The following ZNF506 variants were observed in gnomAD, a reference collection of about 807,000 sequenced individuals.
The protein encoded by ZNF506 is zinc finger protein 506.
ZNF506 carries 10 observed loss-of-function variants against 11.6 expected under a neutral mutation model. The ratio of observed to expected loss-of-function variants is 0.86; its 90% CI spans 0.53 to 1.46. The LOEUF is 1.46. Ranked by LOEUF, ZNF506 falls within the 40% of genes most tolerant of loss-of-function variation. The probability of loss-of-function intolerance (pLI) is 0.00; values close to 1 mark genes in which losing one functional copy is unlikely to be tolerated. For missense variants in ZNF506, 425 were observed against 521.2 expected (o/e 0.82, Z 1.80); for synonymous variants, 156 against 173.3 (o/e 0.90, Z 0.78).
At chr19:19,799,506 T>A in intron 3 of ZNF506, 1 of 638,348 alleles carries the variant, frequency 1.6e-6, no homozygotes, top group Non-Finnish European at 2.8e-6. Context: ...ATTTCATAGA[T>A]TACTTTCTAT....
At chr19:19,805,891 A>G in intron 3 of ZNF506, 140 bp downstream of exon 3, 1 of 715,968 alleles carries the variant, frequency 1.4e-6, no homozygotes, top group Admixed American at 2.7e-5. Flanking sequence ...AAAAAAGAAA[A>G]GAAAAGAAAA....
At chr19:19,807,990 C>A (rs2062848659) in intron 1 of ZNF506, among the ~76,000 whole-genome samples, 1 of 151,302 alleles carries the variant, frequency 6.6e-6, no homozygotes, top group South Asian at 2.1e-4. Flanking sequence ...AGGACAGCTG[C>A]CAGATTAAAT....
At chr19:19,818,874 G>C (rs990247779) in intron 1 of ZNF506, among the ~76,000 whole-genome samples, 1 of 152,116 alleles carries the variant, frequency 6.6e-6, no homozygotes, top group African/African-American at 2.4e-5. Context: ...TATAGTCCTA[G>C]CTATTGGGGA....
chr19:19,813,018 A>G (rs2062894804), intron 1 of ZNF506, among the ~76,000 whole-genome samples: 1 of 152,116 alleles, frequency 6.6e-6, no homozygotes, highest in Admixed American at 6.6e-5. Context: ...TTCCAACAAC[A>G]CTTTTTGATG....
chr19:19,814,468 ATTTAT>A (rs1182693051), intron 1 of ZNF506, among the ~76,000 whole-genome samples: 1 of 148,502 alleles, frequency 6.7e-6, no homozygotes, highest in Non-Finnish European at 1.5e-5. Context: ...GCATGTTATT[ATTTAT>A]AAGTAAGAGC....
At position 19,795,398 on chromosome 19, in the gene ZNF506, ATGTT is replaced by A; in HGVS notation, c.485_488del (p.Lys162IlefsTer3). 6.3e-7 allele frequency: 1 copy of A among 1,595,874 alleles called. No individual in the cohort carries two copies. The highest frequency in any genetic ancestry group is 8.5e-7 in the Non-Finnish European group (1 of 1,173,918). ...ATTTTTTTCCAGTATCTCTTATCTT[ATGTT>A]TGTTTGAATTTGAAAATTTATGCAA... On this transcript the variant is annotated frameshift_variant, in exon 4 of 4. Coordinates refer to ENST00000540806, the MANE Select transcript of ZNF506 (RefSeq NM_001099269.3). LOFTEE classifies it low-confidence loss of function (END_TRUNC).
rs1221842186 is a variant in ZNF506, at chr19:19,821,706, G to C, written c.-103C>G. The C allele has an allele frequency of 2.9e-5, 42 of 1,446,858 alleles. No homozygotes were observed. Among genetic ancestry groups the C allele is most frequent in the Non-Finnish European group, 4.0e-5 (41 of 1,030,036 alleles). The allele number at this position is 1,446,858 out of a possible 1,614,324, so 89.6% of individuals were successfully genotyped here. A position where few individuals can be genotyped will look rare whatever the true frequency, so the allele number is the denominator to read the frequency against. ...GGCCTCTAGGAGCTGACGGCACAGA[G>C]CAGTGAAGACGATAGCTGGATCTCT... is the stretch of plus-strand genomic sequence containing the variant. On this transcript the variant is annotated 5_prime_UTR_variant, in exon 1 of 4. Coordinates refer to ENST00000540806, the MANE Select transcript of ZNF506 (RefSeq NM_001099269.3).
intron 3 of ZNF506, among the ~76,000 whole-genome samples, chr19:19,801,183 AAAAC>A (rs1568474685): frequency 6.6e-6 from 1 of 151,922 alleles, no homozygotes. Flanking sequence ...AAAAGAAAAG[AAAAC>A]AAAACAAAAC....
intron 1 of ZNF506, among the ~76,000 whole-genome samples, chr19:19,812,872 G>C (rs1481110342): frequency 1.3e-5 from 2 of 152,172 alleles, no homozygotes; most frequent in Non-Finnish European, 2.9e-5. Flanking sequence ...GCTACTCTCA[G>C]CATGAGAAAC....
chr19:19,812,458 T>C (rs916052094), intron 1 of ZNF506, among the ~76,000 whole-genome samples: 2 of 152,224 alleles, frequency 1.3e-5, no homozygotes, highest in Non-Finnish European at 2.9e-5. Context: ...GTATCACATT[T>C]TACAGGTGAA....
intron 3 of ZNF506, among the ~76,000 whole-genome samples, chr19:19,803,908 T>C (rs2062814761): frequency 1.3e-5 from 2 of 152,216 alleles, no homozygotes; most frequent in Admixed American, 6.5e-5. Context: ...ATGCTGTTTG[T>C]AGATCATACA....
chr19:19,814,279 G>A (rs577230458), intron 1 of ZNF506, among the ~76,000 whole-genome samples: 248 of 152,014 alleles, frequency 1.6e-3, no homozygotes, highest in Non-Finnish European at 2.8e-3. Context: ...TTGGTGGCAC[G>A]TGCCTGTAAT....
chr19:19,807,109 G>A (rs1314568145), intron 1 of ZNF506, 41 bp from the exon 2 acceptor site: 1 of 1,609,392 alleles, frequency 6.2e-7, no homozygotes, highest in Non-Finnish European at 8.5e-7. Context: ...AAGTGGCCAT[G>A]GGTGGAATTT....
intron 1 of ZNF506, among the ~76,000 whole-genome samples, chr19:19,815,226 C>A (rs1599527660): frequency 1.3e-5 from 2 of 152,176 alleles, no homozygotes; most frequent in Non-Finnish European, 2.9e-5. Context: ...CGCCACTGCA[C>A]TCCAGCCTGG....
intron 1 of ZNF506, among the ~76,000 whole-genome samples, chr19:19,813,934 T>C (rs1395797289): frequency 2.6e-5 from 4 of 152,072 alleles, no homozygotes; most frequent in South Asian, 2.1e-4. Context: ...TCCAATATCA[T>C]GCCATGGCAC....
chr19:19,812,942 A>G (rs2062894212), intron 1 of ZNF506, among the ~76,000 whole-genome samples: 1 of 152,168 alleles, frequency 6.6e-6, no homozygotes, highest in Non-Finnish European at 1.5e-5. Context: ...TTTCTTTTCC[A>G]TCTCTGCTGC....
chr19:19,805,790 TGAAG>T (rs1490627093), intron 3 of ZNF506, among the ~76,000 whole-genome samples: 1 of 152,034 alleles, frequency 6.6e-6, no homozygotes, highest in Non-Finnish European at 1.5e-5. Flanking sequence ...AGTGTGAACT[TGAAG>T]GAAGCTCACC....
rs183768177 is a variant in ZNF506 at position 19,810,588 on chromosome 19, T to C, written c.4-3520A>G. On this transcript the variant is annotated intron_variant, in intron 1 of 3. Transcript: ENST00000540806. Reference sequence around the variant, plus strand: ...AAAATTGTATAGAATAAAAGCTAAATATAGACAGATGGAAGAGATATAGAA... The same window carrying C: ...AAAATTGTATAGAATAAAAGCTAAACATAGACAGATGGAAGAGATATAGAA... Among the ~76,000 whole-genome samples, 177 of 152,094 alleles carry C rather than the reference T, an allele frequency of 1.2e-3. 1 individual carries two copies. The highest frequency in any genetic ancestry group is 4.2e-3 in the African/African-American group (173 of 41,484).
rs1299435755 is a variant in ZNF506 at position 19,793,335 on chromosome 19, T to C, written c.*1217A>G. On this transcript the variant is annotated 3_prime_UTR_variant, in exon 4 of 4. Coordinates refer to ENST00000540806, the MANE Select transcript of ZNF506 (RefSeq NM_001099269.3). ...TTTTGAATTAAATATTTTTTTCATATTTACATCTGCAAAAATATACTTTAG... is the reference window on the plus strand; with the variant it reads ...TTTTGAATTAAATATTTTTTTCATACTTACATCTGCAAAAATATACTTTAG... 6.6e-6 allele frequency among the ~76,000 whole-genome samples: 1 copy of C among 152,188 alleles called. No homozygotes were observed. Among genetic ancestry groups the C allele is most frequent in the East Asian group, 1.9e-4 (1 of 5,206 alleles).
Sources: gnomAD v4.1 joint callset for allele counts (sites outside exome capture counted in the v4.1 genomes callset) on GRCh38, gnomAD v4.1.1 for gene constraint, MANE v1.5 for transcripts, NCBI Gene and HGNC (gene_info 2026-07-23, HGNC 2026-07-21) for gene names.